The following PDE4B variants were observed in gnomAD, a reference collection of about 807,000 sequenced individuals.
PDE4B encodes the protein phosphodiesterase 4B, also known as 3',5'-cyclic-AMP phosphodiesterase 4B.
In PDE4B, 20 loss-of-function variants were observed where a neutral mutation model predicts 82.2. The observed-to-expected ratio is 0.24, with a 90% CI of 0.17 to 0.35. PDE4B has a LOEUF of 0.35. Among genes scored for constraint, PDE4B ranks in the 10% least tolerant of loss-of-function variants. PDE4B has a pLI of 1.00. For missense variants in PDE4B, 655 were observed against 907.2 expected, an observed-to-expected ratio of 0.72 and a Z score of 3.57; for synonymous variants, 320 against 318.9, an observed-to-expected ratio of 1.00 and a Z score of -0.04.
intron 3 of PDE4B, among the ~76,000 whole-genome samples, chr1:66,147,123 A>G (rs1646290842): frequency 6.6e-6 from 1 of 152,248 alleles, no homozygotes; most frequent in South Asian, 2.1e-4. Flanking sequence ...GAAGAAAAGC[A>G]AAAATAACAT....
chr1:66,103,170 G>A (rs934277760), intron 3 of PDE4B, among the ~76,000 whole-genome samples: 2 of 152,092 alleles, frequency 1.3e-5, no homozygotes, highest in African/African-American at 2.4e-5. Flanking sequence ...GAATCACTAT[G>A]AGTCTTCACC....
intron 3 of PDE4B, among the ~76,000 whole-genome samples, chr1:66,188,709 A>T (rs1425032154): frequency 6.6e-6 from 1 of 151,188 alleles, no homozygotes; most frequent in African/African-American, 2.4e-5. Context: ...CCATGCCTTT[A>T]TTTTGAGCCT....
At chr1:66,056,905 T>C (rs1655333513) in intron 3 of PDE4B, among the ~76,000 whole-genome samples, 1 of 152,204 alleles carries the variant, frequency 6.6e-6, no homozygotes, top group African/African-American at 2.4e-5. Flanking sequence ...ATTTCTGACC[T>C]CCATAAATGT....
At chr1:65,965,696 C>T (rs891579262) in intron 3 of PDE4B, among the ~76,000 whole-genome samples, 1 of 152,014 alleles carries the variant, frequency 6.6e-6, no homozygotes, top group Admixed American at 6.6e-5. Flanking sequence ...CAACTTTTGC[C>T]ACTAGTGCTT....
intron 1 of PDE4B, among the ~76,000 whole-genome samples, chr1:65,903,144 T>G (rs1646990260): frequency 6.6e-6 from 1 of 152,156 alleles, no homozygotes; most frequent in Non-Finnish European, 1.5e-5. Flanking sequence ...AGCTTTTCTT[T>G]TTAAGTGGCA....
At chr1:66,086,174 C>A (rs892132731) in intron 3 of PDE4B, among the ~76,000 whole-genome samples, 1 of 152,224 alleles carries the variant, frequency 6.6e-6, no homozygotes, top group African/African-American at 2.4e-5. Flanking sequence ...ATGAAAAACA[C>A]CCCATCCCAT....
At chr1:66,249,795 A>G (rs534072880) in intron 4 of PDE4B, among the ~76,000 whole-genome samples, 49 of 152,292 alleles carry the variant, frequency 3.2e-4, no homozygotes, top group Admixed American at 1.3e-3. Flanking sequence ...GGACTTAGAT[A>G]AAAAGTAGTA....
chr1:66,022,593 A>T (rs1557504586), intron 3 of PDE4B, among the ~76,000 whole-genome samples: 1 of 152,056 alleles, frequency 6.6e-6, no homozygotes, highest in East Asian at 1.9e-4. Flanking sequence ...GATTCTATTT[A>T]TATGCTGGAT....
chr1:66,005,828 T>C (rs1652117599), intron 3 of PDE4B, among the ~76,000 whole-genome samples: 1 of 152,170 alleles, frequency 6.6e-6, no homozygotes, highest in African/African-American at 2.4e-5. Flanking sequence ...TGCTTGGGAT[T>C]CAAGGGATTT....
intron 3 of PDE4B, among the ~76,000 whole-genome samples, chr1:66,090,444 A>G (rs1329094521): frequency 6.6e-6 from 1 of 151,700 alleles, no homozygotes; most frequent in Admixed American, 6.6e-5. Context: ...TGGGTGGCCT[A>G]TCACCTCATA....
At chr1:66,113,530 C>A (rs1371689078) in intron 3 of PDE4B, among the ~76,000 whole-genome samples, 1 of 152,046 alleles carries the variant, frequency 6.6e-6, no homozygotes. Context: ...TATACAGCTG[C>A]TCTAAGAGAG....
intron 3 of PDE4B, among the ~76,000 whole-genome samples, chr1:66,175,859 G>T (rs990394445): frequency 6.6e-6 from 1 of 152,012 alleles, no homozygotes; most frequent in Admixed American, 6.6e-5. Context: ...GTATTAGGAG[G>T]GTACAAAATA....
At chr1:66,130,390 G>A (rs949707212) in intron 3 of PDE4B, among the ~76,000 whole-genome samples, 1 of 152,170 alleles carries the variant, frequency 6.6e-6, no homozygotes, top group Non-Finnish European at 1.5e-5. Context: ...AGTGGTGAGT[G>A]CCAGGGACTA....
intron 6 of PDE4B, among the ~76,000 whole-genome samples, chr1:66,263,861 G>A (rs1049354398): frequency 1.3e-5 from 2 of 152,158 alleles, no homozygotes. Flanking sequence ...CTGAATAATG[G>A]CAGGAAAGGG....
intron 7 of PDE4B, among the ~76,000 whole-genome samples, chr1:66,277,716 A>G (rs1485048159): frequency 6.6e-6 from 1 of 152,084 alleles, no homozygotes; most frequent in African/African-American, 2.4e-5. Flanking sequence ...TAAATACACA[A>G]CTTCTCTTTG....
chr1:66,246,273 A>G lies in PDE4B; in HGVS notation c.282-1187A>G, dbSNP rs114367952. Among the ~76,000 whole-genome samples, 194 of 152,368 alleles carry G rather than the reference A, an allele frequency of 1.3e-3. 2 individuals carry two copies. The highest frequency in any genetic ancestry group is 4.6e-3 in the African/African-American group (191 of 41,582). ...GAGTAAATGGAATAATGTATTGGGA[A>G]GCACTTTGTAAAGTGAAGAAATATA... On this transcript the variant is annotated intron_variant, in intron 3 of 16. Coordinates refer to ENST00000341517, the MANE Select transcript of PDE4B (RefSeq NM_002600.4).
chr1:65,875,695 G>A (rs1023152819), intron 1 of PDE4B, among the ~76,000 whole-genome samples: 16 of 149,054 alleles, frequency 1.1e-4, no homozygotes, highest in African/African-American at 2.5e-4. Flanking sequence ...GTAAACTATT[G>A]CAAGAACAAA....
chr1:66,259,675 G>T (rs1377220029), intron 6 of PDE4B, among the ~76,000 whole-genome samples: 1 of 152,182 alleles, frequency 6.6e-6, no homozygotes, highest in Non-Finnish European at 1.5e-5. Context: ...CCCTTTAGGA[G>T]TAAGAATTGG....
intron 3 of PDE4B, among the ~76,000 whole-genome samples, chr1:65,939,255 C>G (rs1391081965): frequency 2.0e-5 from 3 of 152,094 alleles, no homozygotes; most frequent in African/African-American, 7.2e-5. Flanking sequence ...ACTTTTCAGC[C>G]TTTGTTGCAG....
Sources: allele counts gnomAD v4.1 joint callset (sites outside exome capture counted in the v4.1 genomes callset), GRCh38; gene constraint gnomAD v4.1.1; transcripts MANE v1.5; gene names NCBI Gene and HGNC (gene_info 2026-07-23, HGNC 2026-07-21).